GLI2: variants seen among roughly 807,000 people sequenced by gnomAD.
The protein encoded by GLI2 is transcription activator GLI2.
GLI2 carries 22 observed loss-of-function variants against 78.9 expected under a neutral mutation model. The ratio of observed to expected loss-of-function variants is 0.28; its 90% confidence interval spans 0.20 to 0.40. The LOEUF (loss-of-function observed/expected upper bound fraction) is 0.40. GLI2 is among the 10% of genes least tolerant of loss of function. The pLI is 1.00. For synonymous variants in GLI2, 974 were observed against 963.7 expected, an observed-to-expected ratio of 1.01 and a Z score of -0.20; for missense variants, 2,097 against 2,213.2, an observed-to-expected ratio of 0.95 and a Z score of 1.05.
intron 2 of GLI2, among the ~76,000 whole-genome samples, chr2:120,818,243 G>A (rs7582470): frequency 0.49 from 75,191 of 152,016 alleles, 18,676 homozygotes; most frequent in South Asian, 0.52. Flanking sequence ...GGGTGTGGAG[G>A]GTGAAGTCTA....
At chr2:120,848,012 C>T (rs1460221436) in intron 2 of GLI2, among the ~76,000 whole-genome samples, 1 of 152,204 alleles carries the variant, frequency 6.6e-6, no homozygotes, top group African/African-American at 2.4e-5. Context: ...GTGCTCAGAG[C>T]AGCCCTTGTG....
At chr2:120,862,422 G>A (rs1179252413) in intron 2 of GLI2, among the ~76,000 whole-genome samples, 2 of 152,194 alleles carry the variant, frequency 1.3e-5, no homozygotes, top group Non-Finnish European at 2.9e-5. Flanking sequence ...GGGCTCCAGG[G>A]ACTCCTGGGT....
At chr2:120,756,847 C>G (rs1012605149) in intron 1 of GLI2, among the ~76,000 whole-genome samples, 1 of 152,088 alleles carries the variant, frequency 6.6e-6, no homozygotes, top group Non-Finnish European at 1.5e-5. Flanking sequence ...TTTCTTCTTC[C>G]TATCCTCTAT....
intron 2 of GLI2, among the ~76,000 whole-genome samples, chr2:120,855,331 A>C (rs531046825): frequency 1.3e-5 from 2 of 152,180 alleles, no homozygotes; most frequent in African/African-American, 2.4e-5. Context: ...CTTCAAAGCC[A>C]GTGAGCGAGC....
chr2:120,955,561 A>G (rs1273216824), intron 5 of GLI2, 131 bp downstream of exon 5: 1 of 626,492 alleles, frequency 1.6e-6, no homozygotes, highest in Non-Finnish European at 2.8e-6. Flanking sequence ...AATGCCTTCC[A>G]GGATGGCTGT....
At chr2:120,766,096 G>T (rs1573356675) in intron 1 of GLI2, among the ~76,000 whole-genome samples, 1 of 152,206 alleles carries the variant, frequency 6.6e-6, no homozygotes, top group Non-Finnish European at 1.5e-5. Context: ...GCATCACGAT[G>T]GGGAGGGTTC....
chr2:120,860,808 G>A (rs1021543173), intron 2 of GLI2, among the ~76,000 whole-genome samples: 2 of 152,202 alleles, frequency 1.3e-5, no homozygotes, highest in Non-Finnish European at 2.9e-5. Flanking sequence ...AAGACACATG[G>A]TGATGAGGAA....
chr2:120,911,955 G>A (rs1678843693), intron 2 of GLI2, among the ~76,000 whole-genome samples: 1 of 152,114 alleles, frequency 6.6e-6, no homozygotes, highest in Admixed American at 6.5e-5. Context: ...GCCAGGCTGG[G>A]GCTCTTGACT....
chr2:120,741,496 C>A (rs1682537297), intron 1 of GLI2, among the ~76,000 whole-genome samples: 1 of 151,680 alleles, frequency 6.6e-6, no homozygotes. Flanking sequence ...TTCTCTCTCC[C>A]CTTCTCCTTT....
At chr2:120,838,652 A>G (rs1331939773) in intron 2 of GLI2, among the ~76,000 whole-genome samples, 7 of 152,332 alleles carry the variant, frequency 4.6e-5, no homozygotes, top group African/African-American at 1.7e-4. Context: ...AGTCATTTAC[A>G]CTCATGCACC....
chr2:120,776,108 C>A (rs1206601548), intron 1 of GLI2, among the ~76,000 whole-genome samples: 3 of 152,266 alleles, frequency 2.0e-5, no homozygotes, highest in Non-Finnish European at 4.4e-5. Flanking sequence ...GCCCGGACCA[C>A]CCCCATCAGG....
intron 3 of GLI2, among the ~76,000 whole-genome samples, chr2:120,937,389 C>T (rs901961807): frequency 6.6e-6 from 1 of 152,136 alleles, no homozygotes; most frequent in African/African-American, 2.4e-5. Flanking sequence ...AAACTACATG[C>T]CCCTTCTACC....
intron 1 of GLI2, chr2:120,792,143 A>T (rs187094926): frequency 1.3e-5 from 2 of 152,334 alleles, no homozygotes; most frequent in Non-Finnish European, 2.9e-5. Context: ...CAAAGAAACC[A>T]GGTGGCGGGA....
intron 1 of GLI2, among the ~76,000 whole-genome samples, chr2:120,786,794 C>G (rs1219756016): frequency 1.3e-5 from 2 of 152,174 alleles, no homozygotes. Flanking sequence ...TTTTCCTGAC[C>G]TAAGAGATAG....
chr2:120,870,251 A>G (rs1470513170), intron 2 of GLI2, among the ~76,000 whole-genome samples: 3 of 152,144 alleles, frequency 2.0e-5, no homozygotes, highest in Non-Finnish European at 2.9e-5. Context: ...GTGATAGTTG[A>G]TGCTGGAGAA....
chr2:120,818,046 T>C (rs1685584595), intron 2 of GLI2, among the ~76,000 whole-genome samples: 2 of 152,214 alleles, frequency 1.3e-5, no homozygotes. Flanking sequence ...TGCTCCACTC[T>C]TGCCTGTGCT....
At chr2:120,779,516 G>T (rs1045614698) in intron 1 of GLI2, among the ~76,000 whole-genome samples, 3 of 152,232 alleles carry the variant, frequency 2.0e-5, no homozygotes, top group Admixed American at 2.0e-4. Flanking sequence ...ACTAGGGTGG[G>T]TCTGCCGGTA....
Position 120,986,602 on chromosome 2 carries a change from C to G in GLI2, c.2230C>G (p.Leu744Val), listed in dbSNP as rs1435272545. 2.5e-6 allele frequency: 4 copies of G among 1,613,992 alleles called. No individual in the cohort carries two copies. Among genetic ancestry groups the G allele is most frequent in the Non-Finnish European group, 3.4e-6 (4 of 1,179,942 alleles). Residue 744 changes from leucine (L) to valine (V), a missense_variant, in exon 13 of 14, where the codon CTC becomes GTC. Coordinates refer to ENST00000361492, the MANE Select transcript of GLI2 (RefSeq NM_001374353.1). ...PHTRNTKLPP[L>V]PGSGSILENF... is the part of the protein sequence containing the mutation. ...CACGCGGAACACCAAGCTGCCTCCC[C>G]TCCCGGGAAGTGGTGAGTAAAGGCC...
intron 3 of GLI2, among the ~76,000 whole-genome samples, chr2:120,950,923 A>G (rs867775739): frequency 6.6e-6 from 1 of 152,262 alleles, no homozygotes; most frequent in Non-Finnish European, 1.5e-5. Context: ...CCACAGTGCA[A>G]CTGTGACGTG....
Sources: gnomAD v4.1 joint callset for allele counts (sites outside exome capture counted in the v4.1 genomes callset) on GRCh38, gnomAD v4.1.1 for gene constraint, MANE v1.5 for transcripts, NCBI Gene and HGNC (gene_info 2026-07-23, HGNC 2026-07-21) for gene names.